SERPINB12: variants seen among roughly 807,000 people sequenced by gnomAD.
SERPINB12 encodes the protein serpin B12.
In SERPINB12, 57 loss-of-function variants were observed where a neutral mutation model predicts 41.1. That is an observed-to-expected ratio of 1.39 (90% CI 1.12 to 1.73). SERPINB12 has a LOEUF of 1.73. Among genes scored for constraint, SERPINB12 ranks in the 40% most tolerant of loss-of-function variants. The pLI is 0.00. For synonymous variants in SERPINB12, 180 were observed against 181.3 expected (o/e 0.99, Z 0.06); for missense variants, 536 against 501.9 (o/e 1.07, Z -0.65).
chr18:63,538,164 C>A (rs1323693252), upstream of SERPINB12, among the ~76,000 whole-genome samples: 1 of 152,166 alleles, frequency 6.6e-6, no homozygotes, highest in Non-Finnish European at 1.5e-5. Flanking sequence ...AGCAACATGT[C>A]TAGCACTTTT....
chr18:63,565,597 G>A lies in SERPINB12; in HGVS notation c.858G>A (p.Leu286=), dbSNP rs772806928. The change falls in exon 7 of 8, where the codon CTG becomes CTA. Residue 286 remains leucine, a synonymous_variant. Coordinates refer to ENST00000382768, the MANE Select transcript of SERPINB12 (RefSeq NM_001307928.2). Reference sequence around the variant, plus strand: ...TGCCATCTCACTCTAAAGATAACCTGAAGGGTCTGGAAGAGGTAAATCTTC... The same window carrying A: ...TGCCATCTCACTCTAAAGATAACCTAAAGGGTCTGGAAGAGGTAAATCTTC... ...VLLPSHSKDN[L]KGLEELERKI... is the part of the protein sequence containing the mutation. 3 of 1,604,018 alleles carry A rather than the reference G, an allele frequency of 1.9e-6. No homozygotes were observed. Among genetic ancestry groups the A allele is most frequent in the Non-Finnish European group, 2.5e-6 (3 of 1,177,448 alleles).
At chr18:63,520,130 C>T in the SERPINB12 span, among the ~76,000 whole-genome samples, 14 of 152,328 alleles carry the variant, frequency 9.2e-5, no homozygotes, top group African/African-American at 2.2e-4. Flanking sequence ...CTTGCTCTTC[C>T]TCAGAGACAG....
At chr18:63,530,348 G>A in the SERPINB12 span, among the ~76,000 whole-genome samples, 2 of 152,100 alleles carry the variant, frequency 1.3e-5, no homozygotes. Context: ...CTGCCATTTT[G>A]GTGCTGATGT....
chr18:63,559,672 G>A lies in SERPINB12; in HGVS notation c.398G>A (p.Ser133Asn), dbSNP rs1910835366. Residue 133 changes from serine to asparagine, a missense_variant, in exon 4 of 8, where the codon AGT becomes AAT. Transcript: ENST00000382768. ...AGGATCAAGACTGATTACACACTGAGTATTGCCAACAGGCTTTATGGAGAG... is the reference window on the plus strand; with the variant it reads ...AGGATCAAGACTGATTACACACTGAATATTGCCAACAGGCTTTATGGAGAG... ...LDRIKTDYTL[S>N]IANRLYGEQE... The A allele has an allele frequency of 6.2e-7, 1 of 1,614,126 alleles. No homozygotes were observed. Among genetic ancestry groups the A allele is most frequent in the Non-Finnish European group, 8.5e-7 (1 of 1,179,978 alleles).
intron 1 of SERPINB12, among the ~76,000 whole-genome samples, chr18:63,551,729 ATC>A (rs1568126119): frequency 1.3e-5 from 2 of 152,244 alleles, no homozygotes; most frequent in African/African-American, 4.8e-5. Context: ...CCTTTGAGAA[ATC>A]TCTCTTACAA....
chr18:63,542,241 G>C (rs572224886), upstream of SERPINB12, among the ~76,000 whole-genome samples: 6 of 152,298 alleles, frequency 3.9e-5, no homozygotes, highest in South Asian at 1.2e-3. Flanking sequence ...TGATAATGTA[G>C]AGATAATCAC....
At chr18:63,534,494 C>T in the SERPINB12 span, among the ~76,000 whole-genome samples, 3 of 152,072 alleles carry the variant, frequency 2.0e-5, no homozygotes, top group African/African-American at 7.2e-5. Flanking sequence ...TTTTCATGAA[C>T]CGGCATGATA....
chr18:63,534,978 G>A, the SERPINB12 span, among the ~76,000 whole-genome samples: 2 of 152,124 alleles, frequency 1.3e-5, no homozygotes, highest in South Asian at 4.1e-4. Context: ...CTCAAAGGAA[G>A]AATATTTTTC....
chr18:63,567,959 C>T lies in SERPINB12; in HGVS notation c.*948C>T, dbSNP rs75487331. On this transcript the variant is annotated 3_prime_UTR_variant, in exon 8 of 8. Transcript: ENST00000382768. ...TGCCCCTCTCTCTGCCTTCTGGCCA[C>T]GTGGAGGCTGGCCTCCGTGTGCCCC... is the stretch of plus-strand genomic sequence containing the variant. 0.034 allele frequency among the ~76,000 whole-genome samples: 4,855 copies of T among 144,132 alleles called. 91 individuals are homozygous for T. The highest frequency in any genetic ancestry group is 0.079 in the South Asian group (340 of 4,290). 94.6% of individuals were successfully genotyped at this position (144,132 alleles called of 152,430 possible). A position where few individuals can be genotyped will look rare whatever the true frequency, so the allele number is the denominator to read the frequency against.
the SERPINB12 span, among the ~76,000 whole-genome samples, chr18:63,523,419 A>T: frequency 6.6e-6 from 1 of 152,214 alleles, no homozygotes; most frequent in Non-Finnish European, 1.5e-5. Flanking sequence ...CTTCAGCGTG[A>T]TTGCTTCCGC....
At chr18:63,549,091 A>G (rs1248216086) in intron 1 of SERPINB12, among the ~76,000 whole-genome samples, 2 of 152,196 alleles carry the variant, frequency 1.3e-5, no homozygotes, top group African/African-American at 2.4e-5. Context: ...CCATTAAAAG[A>G]ACATCTATGA....
At position 63,567,510 on chromosome 18, in the gene SERPINB12, TG is replaced by T. The variant is rs1192987916; in HGVS notation, c.*500del. Among the ~76,000 whole-genome samples, 16 of 152,212 alleles carry T rather than the reference TG, an allele frequency of 1.1e-4. No individual in the cohort carries two copies. The highest frequency in any genetic ancestry group is 3.9e-4 in the African/African-American group (16 of 41,460). On this transcript the variant is annotated 3_prime_UTR_variant, in exon 8 of 8. Transcript: ENST00000382768. ...GTGGTCATCACTGGGCGAGATGCCC[TG>T]TTTCTTCCTTTGACAGCTACTGCAT...
the SERPINB12 span, among the ~76,000 whole-genome samples, chr18:63,524,990 T>G: frequency 6.6e-6 from 1 of 152,000 alleles, no homozygotes; most frequent in African/African-American, 2.4e-5. Context: ...CCTCAGGTGA[T>G]CTACCAGTCT....
At position 63,561,221 on chromosome 18, in the gene SERPINB12, A is replaced by C; in HGVS notation, c.562+19A>C. The C allele has an allele frequency of 6.9e-7, 1 of 1,456,436 alleles. No individual in the cohort carries two copies. The highest frequency in any genetic ancestry group is 1.1e-5 in the South Asian group (1 of 87,140). 90.2% of individuals were successfully genotyped at this position (1,456,436 alleles called of 1,614,324 possible). A position where few individuals can be genotyped will look rare whatever the true frequency, so the allele number is the denominator to read the frequency against. ...TCCCAAGGTAAGAAAGCCCAAAAGC[A>C]CGGGAGCTGGTATTGGTTTCCATTT... is the stretch of plus-strand genomic sequence containing the variant. On this transcript the variant is annotated intron_variant, in intron 5 of 7. Coordinates refer to ENST00000382768, the MANE Select transcript of SERPINB12 (RefSeq NM_001307928.2).
At chr18:63,533,068 C>T in the SERPINB12 span, among the ~76,000 whole-genome samples, 1 of 152,206 alleles carries the variant, frequency 6.6e-6, no homozygotes, top group South Asian at 2.1e-4. Flanking sequence ...AACTCCACCT[C>T]CCGGGTTCTA....
chr18:63,551,093 C>A (rs1453249401), intron 1 of SERPINB12, among the ~76,000 whole-genome samples: 1 of 151,868 alleles, frequency 6.6e-6, no homozygotes, highest in Non-Finnish European at 1.5e-5. Context: ...CACGGTGAAA[C>A]CCTGTCTCTA....
intron 5 of SERPINB12, 143 bp from the exon 6 acceptor site, chr18:63,563,835 G>T: frequency 1.6e-6 from 1 of 618,274 alleles, no homozygotes; most frequent in Non-Finnish European, 2.6e-6. Context: ...GGCAGAGGTT[G>T]CAGTGAGCAG....
At chr18:63,561,360 C>T (rs192202409) in intron 5 of SERPINB12, among the ~76,000 whole-genome samples, 158 bp downstream of exon 5, 1 of 152,272 alleles carries the variant, frequency 6.6e-6, no homozygotes, top group East Asian at 1.9e-4. Context: ...CCATCTCACA[C>T]CAGTCAGAAT....
Position 63,566,910 on chromosome 18 carries a change from C to A in SERPINB12, c.1177C>A (p.Arg393=). Residue 393 remains arginine (R), a synonymous_variant, in exon 8 of 8, where the codon CGA becomes AGA. Coordinates refer to ENST00000382768, the MANE Select transcript of SERPINB12 (RefSeq NM_001307928.2). ...GGCTGTTGTCTCGGAAAGGTCACTA[C>A]GATCTTGGGTGGAGTTTAATGCCAA... The part of the protein sequence containing the change: ...TGAVVSERSL[R]SWVEFNANHP... 6.2e-7 allele frequency: 1 copy of A among 1,614,146 alleles called. No homozygotes were observed. Among genetic ancestry groups the A allele is most frequent in the East Asian group, 2.2e-5 (1 of 44,884 alleles).
Sources: allele counts gnomAD v4.1 joint callset (sites outside exome capture counted in the v4.1 genomes callset), GRCh38; gene constraint gnomAD v4.1.1; transcripts MANE v1.5; gene names NCBI Gene and HGNC (gene_info 2026-07-23, HGNC 2026-07-21).